PDE4B: variants seen among roughly 807,000 people sequenced by gnomAD.
PDE4B encodes the protein 3',5'-cyclic-AMP phosphodiesterase 4B.
Under a neutral mutation model 82.2 loss-of-function variants are expected in PDE4B, and 20 were observed. That is an observed-to-expected ratio of 0.24 (90% CI 0.17 to 0.35). PDE4B has a LOEUF of 0.35. PDE4B is among the 10% of genes least tolerant of loss of function. The pLI, the probability that PDE4B is intolerant of heterozygous loss-of-function variation, is 1.00. For missense variants in PDE4B, 655 were observed against 907.2 expected (o/e 0.72, Z 3.57); for synonymous variants, 320 against 318.9 (o/e 1.00, Z -0.04).
chr1:66,340,071 A>G (rs1660860643), intron 8 of PDE4B, among the ~76,000 whole-genome samples: 1 of 152,236 alleles, frequency 6.6e-6, no homozygotes, highest in Non-Finnish European at 1.5e-5. Context: ...TTTGTGCCAC[A>G]GTCAATAGGT....
intron 9 of PDE4B, among the ~76,000 whole-genome samples, chr1:66,357,153 C>T (rs908516740): frequency 6.6e-6 from 1 of 152,110 alleles, no homozygotes; most frequent in Non-Finnish European, 1.5e-5. Flanking sequence ...ATAAGCATTG[C>T]ATTTTAAAAT....
At chr1:65,855,351 C>T (rs935057511) in intron 1 of PDE4B, among the ~76,000 whole-genome samples, 5 of 151,886 alleles carry the variant, frequency 3.3e-5, no homozygotes, top group African/African-American at 1.2e-4. Flanking sequence ...TTATTTTTCC[C>T]CAGCTGTTGG....
At position 66,367,274 on chromosome 1, in the gene PDE4B, T is replaced by C. The variant is rs577825740; in HGVS notation, c.1385-422T>C. ...CACAATTGCCGGAGATTAGGGAGAA[T>C]GTAAAATGTGAATATAGCTTGAAAG... On this transcript the variant is annotated intron_variant, in intron 13 of 16. Transcript: ENST00000341517. Among the ~76,000 whole-genome samples the C allele has an allele frequency of 3.9e-5, 6 of 152,316 alleles. No individual in the cohort carries two copies. The East Asian group carries it at 7.7e-4, about 20-fold the overall frequency.
intron 3 of PDE4B, among the ~76,000 whole-genome samples, chr1:66,178,332 T>C (rs1646978795): frequency 2.0e-5 from 3 of 152,114 alleles, no homozygotes; most frequent in Admixed American, 2.0e-4. Flanking sequence ...AAAAACAGGC[T>C]GTGGCAGTGT....
intron 3 of PDE4B, among the ~76,000 whole-genome samples, chr1:65,998,300 G>C (rs899094164): frequency 2.0e-5 from 3 of 152,036 alleles, no homozygotes; most frequent in African/African-American, 7.2e-5. Flanking sequence ...TGGGGTTTCA[G>C]CCTAAGGATG....
chr1:66,181,939 A>G (rs1180880651), intron 3 of PDE4B, among the ~76,000 whole-genome samples: 7 of 152,146 alleles, frequency 4.6e-5, no homozygotes, highest in Non-Finnish European at 8.8e-5. Flanking sequence ...AGAGGGAAAA[A>G]AAGATAGAGC....
chr1:66,167,522 G>C (rs895641856), intron 3 of PDE4B, among the ~76,000 whole-genome samples: 2 of 152,186 alleles, frequency 1.3e-5, no homozygotes, highest in Non-Finnish European at 2.9e-5. Flanking sequence ...TCCTTTTGGG[G>C]TGATGAACAT....
intron 3 of PDE4B, among the ~76,000 whole-genome samples, chr1:66,085,925 C>T (rs1183005409): frequency 6.6e-6 from 1 of 152,012 alleles, no homozygotes; most frequent in Non-Finnish European, 1.5e-5. Context: ...GTTATTGTTT[C>T]ATTTGTTTGT....
intron 1 of PDE4B, among the ~76,000 whole-genome samples, 188 bp downstream of exon 1, chr1:65,793,436 G>C (rs916152708): frequency 2.6e-5 from 4 of 152,196 alleles, no homozygotes; most frequent in Non-Finnish European, 5.9e-5. Flanking sequence ...TCCGCCAACC[G>C]GCCCCTAGCC....
intron 3 of PDE4B, among the ~76,000 whole-genome samples, chr1:65,924,866 G>T (rs1226873163): frequency 6.6e-6 from 1 of 152,228 alleles, no homozygotes; most frequent in African/African-American, 2.4e-5. Context: ...AGTGTTTTGA[G>T]AAAGAGAGAC....
At chr1:66,184,805 T>C (rs1391321032) in intron 3 of PDE4B, among the ~76,000 whole-genome samples, 1 of 151,946 alleles carries the variant, frequency 6.6e-6, no homozygotes, top group African/African-American at 2.4e-5. Context: ...GTTTTTCTTT[T>C]TTTTTTTAAC....
At chr1:66,143,992 ACTT>A (rs962094009) in intron 3 of PDE4B, among the ~76,000 whole-genome samples, 2 of 152,220 alleles carry the variant, frequency 1.3e-5, no homozygotes, top group Admixed American at 6.5e-5. Flanking sequence ...AGAAAAATAA[ACTT>A]CTTATTTGCT....
At chr1:66,235,280 T>A (rs1045695537) in intron 3 of PDE4B, among the ~76,000 whole-genome samples, 1 of 152,234 alleles carries the variant, frequency 6.6e-6, no homozygotes, top group Non-Finnish European at 1.5e-5. Context: ...ACTGGGTTTC[T>A]GTCTATTTGT....
intron 3 of PDE4B, among the ~76,000 whole-genome samples, chr1:66,129,414 T>G (rs929380603): frequency 6.6e-6 from 1 of 151,812 alleles, no homozygotes; most frequent in Admixed American, 6.6e-5. Context: ...TCCCAGCACT[T>G]TGGGAGGCCG....
chr1:65,879,199 AG>A (rs1445566528), intron 1 of PDE4B, among the ~76,000 whole-genome samples: 1 of 152,124 alleles, frequency 6.6e-6, no homozygotes, highest in Non-Finnish European at 1.5e-5. Flanking sequence ...TCTTCCTCCC[AG>A]GCCATAAAAT....
At chr1:65,934,680 G>A (rs1648026534) in intron 3 of PDE4B, among the ~76,000 whole-genome samples, 1 of 152,170 alleles carries the variant, frequency 6.6e-6, no homozygotes, top group South Asian at 2.1e-4. Context: ...TGAAGGGATG[G>A]AAATATATAT....
Position 65,923,753 on chromosome 1 carries a change from A to T in PDE4B, c.281+4918A>T, listed in dbSNP as rs141438305. 1.2e-3 allele frequency among the ~76,000 whole-genome samples: 186 copies of T among 152,146 alleles called. 1 individual carries two copies. The highest frequency in any genetic ancestry group is 4.4e-3 in the African/African-American group (182 of 41,498). On this transcript the variant is annotated intron_variant, in intron 3 of 16. Coordinates refer to ENST00000341517, the MANE Select transcript of PDE4B (RefSeq NM_002600.4). The stretch of plus-strand genomic sequence containing the variant: ...TTGTCTTTCTTATAGATAATCTGTC[A>T]ATTGTTTTTTGTCTCTGGATTTGGG...
At chr1:66,164,764 T>C (rs953195484) in intron 3 of PDE4B, among the ~76,000 whole-genome samples, 46 of 136,846 alleles carry the variant, frequency 3.4e-4, no homozygotes, top group Non-Finnish European at 6.6e-4. Context: ...TCTTTTTTTT[T>C]TTTTTTTTTT....
intron 1 of PDE4B, among the ~76,000 whole-genome samples, chr1:65,880,278 G>A (rs780356216): frequency 7.2e-5 from 11 of 152,200 alleles, no homozygotes; most frequent in Non-Finnish European, 1.5e-4. Flanking sequence ...TTCATACCAG[G>A]CCTGAGTAGG....
Sources: gnomAD v4.1 joint callset for allele counts (sites outside exome capture counted in the v4.1 genomes callset) on GRCh38, gnomAD v4.1.1 for gene constraint, MANE v1.5 for transcripts, NCBI Gene and HGNC (gene_info 2026-07-23, HGNC 2026-07-21) for gene names.